The following ITGAE variants were observed in gnomAD, a reference collection of about 807,000 sequenced individuals.
ITGAE encodes integrin alpha-E.
ITGAE carries 99 observed loss-of-function variants against 136.5 expected under a neutral mutation model. The ratio of observed to expected loss-of-function variants is 0.73; its 90% confidence interval spans 0.62 to 0.86. ITGAE has a LOEUF of 0.86. Among genes scored for constraint, ITGAE ranks in the 40% least tolerant of loss-of-function variants. ITGAE has a pLI of 0.00. For missense variants in ITGAE, 1,447 were observed against 1,515.3 expected (o/e 0.95, Z 0.75); for synonymous variants, 613 against 591.8 (o/e 1.04, Z -0.52).
chr17:3,753,330 C>G lies in ITGAE; in HGVS notation c.1628G>C (p.Gly543Ala). 7 of 1,614,146 alleles carry G rather than the reference C, an allele frequency of 4.3e-6. No homozygotes were observed. The South Asian group carries it at 7.7e-5, about 18-fold the overall frequency. ...GTACACGTAGACTCTGCCTTCTTCT[C>G]CATGAACGTGGTAAAATGGAGCAGC... The part of the protein sequence containing the change: ...LVAAPFYHVH[G>A]EEGRVYVYRL... Residue 543 changes from glycine to alanine, a missense_variant, in exon 14 of 31, where the codon GGA becomes GCA. By Grantham distance (60) the Gly-to-Ala change is moderately conservative (BLOSUM62 0). Around this residue, in one of 3 missense-constraint regions of ITGAE, gnomAD observed 1,031 missense variants for 1,011.4 expected, o/e 1.02. Coordinates refer to ENST00000263087, the MANE Select transcript of ITGAE (RefSeq NM_002208.5).
intron 1 of ITGAE, among the ~76,000 whole-genome samples, chr17:3,783,015 T>C (rs1241556747): frequency 1.3e-5 from 2 of 152,252 alleles, no homozygotes; most frequent in African/African-American, 4.8e-5. Flanking sequence ...TTGAGATGGC[T>C]GAAGATTCTA....
intron 2 of ITGAE, among the ~76,000 whole-genome samples, chr17:3,768,661 C>T (rs78760757): frequency 0.033 from 4,977 of 152,268 alleles, 206 homozygotes; most frequent in African/African-American, 0.087. Flanking sequence ...CCTGTCACCT[C>T]CTCATAAATG....
chr17:3,728,310 C>T (rs528304160), intron 24 of ITGAE, 142 bp from the exon 25 acceptor site: 8 of 691,774 alleles, frequency 1.2e-5, no homozygotes, highest in Admixed American at 2.1e-5. Context: ...CTCAAGTGAT[C>T]CTCCACCTCA....
intron 24 of ITGAE, 52 bp from the exon 25 acceptor site, chr17:3,728,220 T>A (rs1369117334): frequency 7.2e-7 from 1 of 1,392,850 alleles, no homozygotes; most frequent in Non-Finnish European, 1.0e-6. Flanking sequence ...CTCCCTTTTT[T>A]GGAGACAGGG....
At chr17:3,758,779 A>G (rs2052089778) in intron 8 of ITGAE, among the ~76,000 whole-genome samples, 1 of 151,950 alleles carries the variant, frequency 6.6e-6, no homozygotes, top group Non-Finnish European at 1.5e-5. Context: ...AAGTGAGGAA[A>G]CTGAAGCACA....
Position 3,728,188 on chromosome 17 carries a change from C to T in ITGAE, c.2913-20G>A, listed in dbSNP as rs779155101. Reference sequence around the variant, plus strand: ...GATGGTCTGCAATTGACAGGACATGCGTCAGCCCTTGAGGAGTCTTTCTCC... The same window carrying T: ...GATGGTCTGCAATTGACAGGACATGTGTCAGCCCTTGAGGAGTCTTTCTCC... On this transcript the variant is annotated intron_variant, in intron 24 of 30. Transcript: ENST00000263087. 36 of 1,596,994 alleles carry T rather than the reference C, an allele frequency of 2.3e-5. No homozygotes were observed. In the Admixed American group the frequency reaches 3.2e-4, roughly 14 times the overall value.
chr17:3,725,955 A>G, intron 26 of ITGAE: 1 of 1,613,864 alleles, frequency 6.2e-7, no homozygotes, highest in Non-Finnish European at 8.5e-7. Context: ...TGGGAAGAGC[A>G]GCACTATCCC....
At chr17:3,780,146 GGTTT>G (rs1363340376) in intron 1 of ITGAE, among the ~76,000 whole-genome samples, 1 of 149,386 alleles carries the variant, frequency 6.7e-6, no homozygotes, top group Non-Finnish European at 1.5e-5. Context: ...GCTAATTTTT[GGTTT>G]TTTTGTTTGT....
chr17:3,797,412 A>G (rs976750552), intron 1 of ITGAE, among the ~76,000 whole-genome samples: 25 of 146,844 alleles, frequency 1.7e-4, no homozygotes, highest in Middle Eastern at 3.9e-3. Flanking sequence ...TGATCTGCCC[A>G]CCTTGGCCTC....
intron 1 of ITGAE, among the ~76,000 whole-genome samples, chr17:3,797,196 C>T (rs183477319): frequency 0.012 from 1,616 of 130,268 alleles, 38 homozygotes; most frequent in African/African-American, 0.045. Flanking sequence ...GACGGAGTCT[C>T]GCTCTGTCGC....
chr17:3,734,448 C>T (rs1159354638), intron 21 of ITGAE, among the ~76,000 whole-genome samples: 7 of 152,272 alleles, frequency 4.6e-5, no homozygotes, highest in East Asian at 1.9e-4. Context: ...AGGGTGTCCT[C>T]GGGAAACAGA....
chr17:3,758,891 C>T (rs1419084664), intron 8 of ITGAE, among the ~76,000 whole-genome samples: 5 of 150,884 alleles, frequency 3.3e-5, no homozygotes, highest in Admixed American at 6.6e-5. Flanking sequence ...TTTGGGAGGC[C>T]GAGGCGGGCG....
intron 1 of ITGAE, among the ~76,000 whole-genome samples, chr17:3,784,067 T>C (rs1004244150): frequency 2.0e-5 from 3 of 152,126 alleles, no homozygotes; most frequent in East Asian, 1.9e-4. Flanking sequence ...AAGACCATCC[T>C]GGCTAACACG....
At chr17:3,800,374 T>G (rs1427139158) in intron 1 of ITGAE, among the ~76,000 whole-genome samples, 1 of 149,842 alleles carries the variant, frequency 6.7e-6, no homozygotes, top group Non-Finnish European at 1.5e-5. Flanking sequence ...AGGAGACCCA[T>G]GGGAAGTCTG....
rs146381194 is a variant in ITGAE at position 3,750,374 on chromosome 17, G to T, written c.2002C>A (p.Leu668Met). 1,294 of 1,614,140 alleles carry T rather than the reference G, an allele frequency of 8.0e-4. 15 individuals are homozygous for T. The African/African-American group carries it at 0.014, about 18-fold the overall frequency. The change falls in exon 16 of 31, where the codon CTG (leucine) becomes ATG (methionine). Residue 668 changes from leucine (L) to methionine (M), a missense_variant. This residue lies in a region of ITGAE where 1,031 missense variants were observed against 1,011.4 expected (regional missense o/e 1.02). Coordinates refer to ENST00000263087, the MANE Select transcript of ITGAE (RefSeq NM_002208.5). ...DGLADITVGT[L>M]GQAVVFRSRP... is the part of the protein sequence containing the mutation. ...TACCGGAACACAACCGCCTGGCCCA[G>T]AGTGCCCACGGTGATGTCGGCAAGG...
intron 1 of ITGAE, among the ~76,000 whole-genome samples, chr17:3,796,270 T>C (rs2053101582): frequency 6.6e-6 from 1 of 151,988 alleles, no homozygotes; most frequent in South Asian, 2.1e-4. Context: ...CTGGCTCAGC[T>C]TGTTTCCTCA....
Position 3,716,765 on chromosome 17 carries a change from G to C in ITGAE, c.3367C>G (p.His1123Asp). The C allele has an allele frequency of 6.2e-7, 1 of 1,607,510 alleles. No individual in the cohort carries two copies. Among genetic ancestry groups the C allele is most frequent in the Non-Finnish European group, 8.5e-7 (1 of 1,174,086 alleles). The change falls in exon 30 of 31, where the codon CAT (histidine) becomes GAT (aspartate). Residue 1123 changes from histidine to aspartate, a missense_variant. Physicochemically the swap from His to Asp is moderately conservative, Grantham distance 81. Coordinates refer to ENST00000263087, the MANE Select transcript of ITGAE (RefSeq NM_002208.5). ...CCTTTAATGATGATAGGCAAAGAAT[G>C]GTACTTCTCATCTTTCAGGAAGACG... ...TVVFLKDEKY[H>D]SLPIIIKGSV...
intron 1 of ITGAE, among the ~76,000 whole-genome samples, chr17:3,785,159 G>GA (rs1282315286): frequency 2.0e-5 from 3 of 151,322 alleles, no homozygotes; most frequent in Non-Finnish European, 4.4e-5. Context: ...GTAAAAAAAA[G>GA]AAAAAAGAAA....
rs779163403 is a variant in ITGAE, at chr17:3,761,129, C to A, written c.482G>T (p.Ser161Ile). The A allele has an allele frequency of 1.2e-6, 2 of 1,613,258 alleles. No homozygotes were observed. ...GTCTTCTCCACCGCCTTCTTTGTTG[C>A]TGTAGCAGTCTCCAGTGTCCACACG... ...DARVDTGDCYSNKEGGGEDDV... is the reference protein window; with the variant it reads ...DARVDTGDCYINKEGGGEDDV... The change falls in exon 6 of 31, where the codon AGC becomes ATC. Residue 161 changes from serine to isoleucine, a missense_variant. Transcript: ENST00000263087.
Sources: gnomAD v4.1 joint callset for allele counts (sites outside exome capture counted in the v4.1 genomes callset) on GRCh38, gnomAD v4.1.1 for gene constraint, gnomAD v4.1.1 regional missense constraint, MANE v1.5 for transcripts, NCBI Gene and HGNC (gene_info 2026-07-23, HGNC 2026-07-21) for gene names.